The following GLOD5 variants were observed in gnomAD, a reference collection of about 807,000 sequenced individuals.
The protein encoded by GLOD5 is glyoxalase domain containing 5.
A neutral mutation model predicts 9.9 loss-of-function variants in GLOD5; 7 were observed. The ratio of observed to expected loss-of-function variants is 0.71; its 90% confidence interval spans 0.40 to 1.33. GLOD5 has a LOEUF of 1.33. GLOD5 is among the 40% of genes most tolerant of loss of function. The pLI is 0.01. For missense variants in GLOD5, 146 were observed against 128.4 expected (o/e 1.14, Z -0.66); for synonymous variants, 49 against 47.3 (o/e 1.04, Z -0.14).
chrX:48,766,985 C>CAAAAAAAAAAAAAAAAAAAA (rs782648787), intron 2 of GLOD5, among the ~76,000 whole-genome samples: 1 of 3,018 alleles, frequency 3.3e-4, no homozygotes. Context: ...GATTCCATCT[C>CAAAAAAAAAAAAAAAAAAAA]AAAAAAAAAA....
intron 1 of GLOD5, chrX:48,765,577 C>CAAAAAAAAAAAAAAAAAA: frequency 5.6e-6 from 1 of 177,968 alleles, no homozygotes; most frequent in East Asian, 1.5e-4. Flanking sequence ...GACTCTGTCT[C>CAAAAAAAAAAAAAAAAAA]AAAAAAAAAA....
At chrX:48,765,301 G>A (rs2062605915) in intron 1 of GLOD5, among the ~76,000 whole-genome samples, 1 of 110,956 alleles carries the variant, frequency 9.0e-6, no homozygotes, top group Non-Finnish European at 1.9e-5. Flanking sequence ...GCTGGGTGCA[G>A]TGGCTCACCC....
In GLOD5 at chrX:48,771,063, A is replaced by T. The variant is rs2147296360; in HGVS notation, c.338A>T (p.Glu113Val). The change falls in exon 3 of 4, where the codon GAA becomes GTA. Residue 113 changes from glutamate to valine, a missense_variant. Physicochemically the swap from Glu to Val is moderately radical, Grantham distance 121. Transcript: ENST00000303227. ...CTGATCACAGAGGTGCCTTTGGAGGAAATGATCCAGCACCTCAAGGTGAGT... is the reference window on the plus strand; with the variant it reads ...CTGATCACAGAGGTGCCTTTGGAGGTAATGATCCAGCACCTCAAGGTGAGT... Reference protein sequence around the residue: ...ICLITEVPLEEMIQHLKACDV... With the variant: ...ICLITEVPLEVMIQHLKACDV... 5 of 1,193,724 alleles carry T rather than the reference A, an allele frequency of 4.2e-6. No homozygotes were observed. In the East Asian group the frequency reaches 1.5e-4, roughly 36 times the overall value.
chrX:48,765,211 G>C (rs1557016456), intron 1 of GLOD5, among the ~76,000 whole-genome samples: 1 of 110,420 alleles, frequency 9.1e-6, no homozygotes, highest in Non-Finnish European at 1.9e-5. Context: ...ATTCTATTTA[G>C]GGAAAAACAG....
intron 2 of GLOD5, among the ~76,000 whole-genome samples, chrX:48,767,005 A>AAAAAAAC (rs2062611330): frequency 1.1e-5 from 1 of 87,222 alleles, no homozygotes; most frequent in African/African-American, 4.1e-5. Context: ...AAAAAAAAAA[A>AAAAAAAC]CCAACATTGG....
chrX:48,768,456 G>A (rs2062614333), intron 2 of GLOD5, among the ~76,000 whole-genome samples: 1 of 112,003 alleles, frequency 8.9e-6, no homozygotes, highest in Non-Finnish European at 1.9e-5. Context: ...GTCCTTGCGT[G>A]GGCCAATGGT....
Position 48,771,043 on chromosome X carries a change from C to T in GLOD5, c.318C>T (p.Ile106=), listed in dbSNP as rs375830595. The change falls in exon 3 of 4, where the codon ATC becomes ATT. Residue 106 remains isoleucine, a synonymous_variant. Coordinates refer to ENST00000303227, the MANE Select transcript of GLOD5 (RefSeq NM_001080489.3). ...PVPGSLDICL[I]TEVPLEEMIQ... is the part of the protein sequence containing the mutation. ...CTGGCTCCCTGGACATATGTCTGAT[C>T]ACAGAGGTGCCTTTGGAGGAAATGA... The T allele has an allele frequency of 1.5e-4, 181 of 1,193,809 alleles. No homozygotes were observed. Among genetic ancestry groups the T allele is most frequent in the Non-Finnish European group, 1.9e-4 (168 of 888,753 alleles).
Position 48,770,910 on chromosome X carries a change from C to T in GLOD5, c.202-17C>T. The stretch of plus-strand genomic sequence containing the variant: ...TTTAATTCTAGGCTGTTTTCTCTGC[C>T]CCTCCCCACCAAGTAGGAAGACCGG... On this transcript the variant is annotated splice_polypyrimidine_tract_variant and intron_variant, in intron 2 of 3. Transcript: ENST00000303227. 2 of 1,157,039 alleles carry T rather than the reference C, an allele frequency of 1.7e-6. No homozygotes were observed. Among genetic ancestry groups the T allele is most frequent in the Non-Finnish European group, 2.3e-6 (2 of 866,887 alleles).
At chrX:48,771,463 G>A (rs1388927981) in intron 3 of GLOD5, among the ~76,000 whole-genome samples, 1 of 109,428 alleles carries the variant, frequency 9.1e-6, no homozygotes, top group Non-Finnish European at 1.9e-5. Flanking sequence ...CTACAGGTGC[G>A]TGCCACCACA....
intron 2 of GLOD5, among the ~76,000 whole-genome samples, chrX:48,770,570 C>T (rs1402333948): frequency 2.7e-5 from 3 of 111,179 alleles, no homozygotes; most frequent in East Asian, 5.6e-4. Flanking sequence ...ACGTGGCCTC[C>T]GGACGTGCTG....
rs1182337575 is a variant in GLOD5, at chrX:48,773,389, A to G, written c.437A>G (p.Asp146Gly). The G allele has an allele frequency of 9.1e-6, 11 of 1,207,276 alleles. No homozygotes were observed. The highest frequency in any genetic ancestry group is 1.0e-5 in the Non-Finnish European group (9 of 894,068). Residue 146 changes from aspartate (D) to glycine (G), a missense_variant, in exon 4 of 4, where the codon GAC becomes GGC. By Grantham distance (94) the Asp-to-Gly change is moderately conservative. Coordinates refer to ENST00000303227, the MANE Select transcript of GLOD5 (RefSeq NM_001080489.3). The part of the protein sequence containing the change: ...KGPIMSIYFR[D>G]PDRNLIEVSN... ...CCTATCATGTCCATCTACTTCCGAG[A>G]CCCCGACAGAAATCTGATTGAGGTG...
intron 2 of GLOD5, among the ~76,000 whole-genome samples, chrX:48,769,884 T>C (rs192149683): frequency 1.4e-3 from 141 of 102,992 alleles, no homozygotes; most frequent in Non-Finnish European, 2.3e-3. Flanking sequence ...GAGGCTGAGG[T>C]TGCAGGATCA....
intron 3 of GLOD5, among the ~76,000 whole-genome samples, chrX:48,772,112 C>T (rs1219586269): frequency 1.8e-5 from 2 of 109,794 alleles, no homozygotes; most frequent in Non-Finnish European, 3.8e-5. Context: ...TAGTGCATGC[C>T]CGTAATCCTA....
intron 1 of GLOD5, among the ~76,000 whole-genome samples, chrX:48,763,532 A>G (rs1557016244): frequency 9.1e-6 from 1 of 110,439 alleles, no homozygotes; most frequent in Non-Finnish European, 1.9e-5. Context: ...AAAAGAAAAA[A>G]GAAAACAAAA....
At chrX:48,764,552 CTT>C (rs1163188143) in intron 1 of GLOD5, among the ~76,000 whole-genome samples, 15 of 91,653 alleles carry the variant, frequency 1.6e-4, no homozygotes, top group East Asian at 3.4e-4. Flanking sequence ...CCAGAATCTT[CTT>C]TTTTTTTTTT....
At chrX:48,765,593 A>AG (rs1557016550) in intron 1 of GLOD5, 56 of 374,932 alleles carry the variant, frequency 1.5e-4, no homozygotes, top group Non-Finnish European at 1.9e-4. Flanking sequence ...AAAAAAAAAA[A>AG]AAAAAAAAAG....
chrX:48,766,296 G>A (rs975931160), intron 2 of GLOD5: 27 of 160,188 alleles, frequency 1.7e-4, no homozygotes, highest in African/African-American at 5.1e-4. Flanking sequence ...GATCCTAAGA[G>A]CTTTCATAGA....
intron 2 of GLOD5, among the ~76,000 whole-genome samples, chrX:48,770,440 G>C: frequency 9.0e-6 from 1 of 111,616 alleles, no homozygotes; most frequent in Non-Finnish European, 1.9e-5. Context: ...GTCAGGTCAT[G>C]GGCAGTGGCT....
chrX:48,770,353 A>G (rs1003056992), intron 2 of GLOD5, among the ~76,000 whole-genome samples: 16 of 112,416 alleles, frequency 1.4e-4, no homozygotes. Context: ...ATGTAGGAGA[A>G]AACTCAACTA....
Sources: allele counts gnomAD v4.1 joint callset (sites outside exome capture counted in the v4.1 genomes callset), GRCh38; gene constraint gnomAD v4.1.1; transcripts MANE v1.5; gene names NCBI Gene and HGNC (gene_info 2026-07-23, HGNC 2026-07-21).